Variants in TNS3 observed in about 807,000 individuals in gnomAD.
TNS3 encodes the protein tensin 3, also known as tensin-3.
Under a neutral mutation model 140.9 loss-of-function variants are expected in TNS3, and 45 were observed. The ratio of observed to expected loss-of-function variants is 0.32; its 90% CI spans 0.25 to 0.41. The LOEUF is 0.41. Ranked by LOEUF, TNS3 falls within the 10% of genes least tolerant of loss-of-function variation. TNS3 has a pLI of 1.00. For synonymous variants in TNS3, 815 were observed against 788.4 expected (o/e 1.03, Z -0.56); for missense variants, 1,716 against 1,906.7 (o/e 0.90, Z 1.86).
Position 47,359,137 on chromosome 7 carries a change from A to G in TNS3, c.2281+9228T>C, listed in dbSNP as rs1425841350. ...TTCACCGAGGCCAAAGGTGGGAACA[A>G]CCCAAGTCTCCATCGAGAGAGGAAT... On this transcript the variant is annotated intron_variant, in intron 17 of 30. Coordinates refer to ENST00000311160, the MANE Select transcript of TNS3 (RefSeq NM_022748.12). Among the ~76,000 whole-genome samples, 6 of 152,330 alleles carry G rather than the reference A, an allele frequency of 3.9e-5. 1 individual carries two copies. The South Asian group carries it at 1.2e-3, about 32-fold the overall frequency.
At chr7:47,564,700 C>CATATAT (rs59961931) in intron 1 of TNS3, among the ~76,000 whole-genome samples, 1 of 143,198 alleles carries the variant, frequency 7.0e-6, no homozygotes, top group African/African-American at 2.6e-5. Context: ...AAAATTTATT[C>CATATAT]ATATATATAT....
At position 47,523,036 on chromosome 7, in the gene TNS3, T is replaced by G. The variant is rs562447343; in HGVS notation, c.-153+6000A>C. Among the ~76,000 whole-genome samples, 26 of 152,256 alleles carry G rather than the reference T, an allele frequency of 1.7e-4. 1 individual carries two copies. Among genetic ancestry groups the G allele is most frequent in the African/African-American group, 6.0e-4 (25 of 41,554 alleles). On this transcript the variant is annotated intron_variant, in intron 2 of 30. Transcript: ENST00000311160. ...CTACTGTTTAAAAATTACCCTAAAC[T>G]AGGTGGCTTATAAACAGTTGCTTAT...
intron 1 of TNS3, among the ~76,000 whole-genome samples, chr7:47,561,575 G>A (rs1800320296): frequency 6.6e-6 from 1 of 152,150 alleles, no homozygotes; most frequent in South Asian, 2.1e-4. Context: ...AGTCACCTCA[G>A]AAGTGTGAGG....
chr7:47,575,946 G>C (rs73695398), intron 1 of TNS3, among the ~76,000 whole-genome samples: 104 of 151,822 alleles, frequency 6.9e-4, no homozygotes, highest in African/African-American at 2.5e-3. Context: ...AGAGAGAAAT[G>C]CATTCTTCAC....
At position 47,280,267 on chromosome 7, in the gene TNS3, A is replaced by T; in HGVS notation, c.4166+19T>A. On this transcript the variant is annotated intron_variant, in intron 29 of 30. Transcript: ENST00000311160. Reference sequence around the variant, plus strand: ...GAATTAAGTACACTCCTTGCTCAATAAAAATGCAAATTTCTTACTTCCTGT... The same window carrying T: ...GAATTAAGTACACTCCTTGCTCAATTAAAATGCAAATTTCTTACTTCCTGT... 1.2e-6 allele frequency: 2 copies of T among 1,614,140 alleles called. No individual in the cohort carries two copies. Among genetic ancestry groups the T allele is most frequent in the Non-Finnish European group, 1.7e-6 (2 of 1,179,978 alleles).
At chr7:47,355,202 G>T (rs1163428453) in intron 17 of TNS3, among the ~76,000 whole-genome samples, 4 of 152,196 alleles carry the variant, frequency 2.6e-5, no homozygotes, top group Non-Finnish European at 5.9e-5. Context: ...CGGGATCTGG[G>T]ATTCACCACA....
chr7:47,532,241 CCCACCT>C (rs1306581028), intron 1 of TNS3, among the ~76,000 whole-genome samples: 10 of 152,112 alleles, frequency 6.6e-5, no homozygotes, highest in African/African-American at 2.4e-4. Context: ...TCAGTAAGGC[CCCACCT>C]TCAGGCCAGG....
At chr7:47,514,411 T>C (rs1798712663) in intron 2 of TNS3, among the ~76,000 whole-genome samples, 1 of 152,230 alleles carries the variant, frequency 6.6e-6, no homozygotes, top group Admixed American at 6.5e-5. Context: ...CTGACTCCGA[T>C]GGACTCAAAG....
intron 15 of TNS3, among the ~76,000 whole-genome samples, chr7:47,397,695 G>A (rs1040672299): frequency 3.3e-5 from 5 of 152,128 alleles, no homozygotes; most frequent in Admixed American, 6.5e-5. Flanking sequence ...AGTGTTAAGA[G>A]GAAAGTTTAT....
At chr7:47,454,736 G>A (rs1796175743) in intron 4 of TNS3, among the ~76,000 whole-genome samples, 1 of 152,134 alleles carries the variant, frequency 6.6e-6, no homozygotes, top group Admixed American at 6.5e-5. Flanking sequence ...CAATGGGAGT[G>A]TCCTCAACTG....
chr7:47,302,331 T>C, intron 22 of TNS3, 59 bp from the exon 23 acceptor site: 1 of 1,353,868 alleles, frequency 7.4e-7, no homozygotes, highest in Non-Finnish European at 1.1e-6. Context: ...TTGCAACCTC[T>C]CATCTGCTGT....
intron 11 of TNS3, 47 bp from the exon 12 acceptor site, chr7:47,414,044 C>T (rs781484797): frequency 6.9e-6 from 11 of 1,599,040 alleles, no homozygotes; most frequent in South Asian, 2.2e-5. Context: ...CGGTACAGAA[C>T]GAACAGGAAT....
chr7:47,434,112 G>A (rs78564149), intron 8 of TNS3, among the ~76,000 whole-genome samples: 3,215 of 152,110 alleles, frequency 0.021, 108 homozygotes, highest in African/African-American at 0.073. Context: ...TGTGTGCCCC[G>A]ATGGAAGTTT....
At chr7:47,525,853 A>G (rs1799171942) in intron 2 of TNS3, among the ~76,000 whole-genome samples, 1 of 152,208 alleles carries the variant, frequency 6.6e-6, no homozygotes. Flanking sequence ...ACCCCTCCGT[A>G]ATATTTCACA....
chr7:47,570,748 T>A (rs1800533153), intron 1 of TNS3, among the ~76,000 whole-genome samples: 1 of 152,198 alleles, frequency 6.6e-6, no homozygotes, highest in African/African-American at 2.4e-5. Context: ...ATGGAGGCTC[T>A]GAGTGATGTC....
intron 9 of TNS3, among the ~76,000 whole-genome samples, chr7:47,426,488 A>T (rs1205832098): frequency 1.3e-5 from 2 of 152,236 alleles, no homozygotes; most frequent in African/African-American, 4.8e-5. Context: ...ACTTAATACT[A>T]TTACTCCTAA....
chr7:47,491,074 C>A (rs895124211), intron 3 of TNS3, among the ~76,000 whole-genome samples: 3 of 152,228 alleles, frequency 2.0e-5, no homozygotes, highest in Middle Eastern at 6.8e-3. Context: ...GCCGACAGAG[C>A]GCGGCTGTGG....
intron 13 of TNS3, 57 bp from the exon 14 acceptor site, chr7:47,400,971 G>C: frequency 1.9e-6 from 3 of 1,606,506 alleles, no homozygotes; most frequent in African/African-American, 2.7e-5. Context: ...ACACGTTCCC[G>C]GCAAGGAACA....
chr7:47,336,189 TAAA>T (rs10551215), intron 20 of TNS3, among the ~76,000 whole-genome samples: 9,427 of 133,076 alleles, frequency 0.071, 359 homozygotes, highest in South Asian at 0.15. Context: ...CAAGCAGAGT[TAAA>T]AAAAAAAAAA....
Sources: allele counts gnomAD v4.1 joint callset (sites outside exome capture counted in the v4.1 genomes callset), GRCh38; gene constraint gnomAD v4.1.1; transcripts MANE v1.5; gene names NCBI Gene and HGNC (gene_info 2026-07-23, HGNC 2026-07-21).